Variants in KDM2B observed in about 807,000 individuals in gnomAD.
The protein encoded by KDM2B is lysine demethylase 2B, also known as lysine-specific demethylase 2B.
KDM2B carries 26 observed loss-of-function variants against 150.0 expected under a neutral mutation model. The ratio of observed to expected loss-of-function variants is 0.17; its 90% CI spans 0.13 to 0.24. KDM2B has a LOEUF of 0.24. KDM2B is among the 10% of genes least tolerant of loss of function. The probability of loss-of-function intolerance (pLI) is 1.00; values close to 1 mark genes in which losing one functional copy is unlikely to be tolerated. For missense variants in KDM2B, 1,265 were observed against 1,816.9 expected, an observed-to-expected ratio of 0.70 and a Z score of 5.52; for synonymous variants, 734 against 729.5, an observed-to-expected ratio of 1.01 and a Z score of -0.10.
chr12:121,436,317 C>T (rs1245797552), intron 22 of KDM2B, among the ~76,000 whole-genome samples: 1 of 152,044 alleles, frequency 6.6e-6, no homozygotes, highest in Non-Finnish European at 1.5e-5. Context: ...GTCAGGAGAT[C>T]GAAACCATCC....
rs1887227970 is a variant in KDM2B, at chr12:121,527,338, G to A, written c.931+5468C>T. On this transcript the variant is annotated intron_variant, in intron 8 of 22. Coordinates refer to ENST00000377071, the MANE Select transcript of KDM2B (RefSeq NM_032590.5). Reference sequence around the variant, plus strand: ...GCTGGGATTACAGGCGTGAGCCACTGTGCCCAGCCTAAAAAAAAATTGTTT... The same window carrying A: ...GCTGGGATTACAGGCGTGAGCCACTATGCCCAGCCTAAAAAAAAATTGTTT... Among the ~76,000 whole-genome samples the A allele has an allele frequency of 2.2e-4, 22 of 100,674 alleles. No individual in the cohort carries two copies. In the South Asian group the frequency reaches 8.7e-3, roughly 40 times the overall value. The allele number at this position is 100,674 out of a possible 152,430, so 66.0% of individuals were successfully genotyped here. A position where few individuals can be genotyped will look rare whatever the true frequency, so the allele number is the denominator to read the frequency against.
intron 6 of KDM2B, 143 bp from the exon 7 acceptor site, chr12:121,534,733 CA>C: frequency 1.6e-6 from 1 of 625,710 alleles, no homozygotes; most frequent in Non-Finnish European, 2.8e-6. Flanking sequence ...TTTAAAAATC[CA>C]AATGTAATCG....
chr12:121,547,577 GC>G (rs1889156970), intron 6 of KDM2B, among the ~76,000 whole-genome samples: 1 of 151,942 alleles, frequency 6.6e-6, no homozygotes, highest in Admixed American at 6.6e-5. Context: ...CAGGCCGCCA[GC>G]GCCAACTCTT....
At chr12:121,456,909 T>C (rs1878323735) in intron 12 of KDM2B, among the ~76,000 whole-genome samples, 1 of 152,190 alleles carries the variant, frequency 6.6e-6, no homozygotes, top group African/African-American at 2.4e-5. Flanking sequence ...AGGCCCTGTC[T>C]AGCCGCTGCC....
At chr12:121,558,068 GTTAC>G (rs1315391699) in intron 4 of KDM2B, among the ~76,000 whole-genome samples, 1 of 152,144 alleles carries the variant, frequency 6.6e-6, no homozygotes, top group Non-Finnish European at 1.5e-5. Flanking sequence ...GTATTTCTTG[GTTAC>G]TTGTTTCTTG....
chr12:121,512,150 T>C (rs985061720), intron 10 of KDM2B, among the ~76,000 whole-genome samples: 3 of 152,176 alleles, frequency 2.0e-5, no homozygotes, highest in Non-Finnish European at 4.4e-5. Flanking sequence ...ACTGTGATCA[T>C]AGCGGCTCTC....
At chr12:121,423,463 G>C in the KDM2B span, 1 of 1,613,914 alleles carries the variant, frequency 6.2e-7, no homozygotes, top group South Asian at 1.1e-5. This position sits in a 1 kb window ranked among gnomAD's most constrained non-coding sequence, Gnocchi z 4.3. Flanking sequence ...CATCGACTGT[G>C]TCCTACTGGA....
At chr12:121,580,641 G>T in intron 1 of KDM2B, 145 bp downstream of exon 1, 1 of 1,296,738 alleles carries the variant, frequency 7.7e-7, no homozygotes, top group Non-Finnish European at 1.0e-6. Context: ...TCAGCGGGAG[G>T]CGCGGAAATG....
chr12:121,492,002 C>T (rs1319511669), intron 12 of KDM2B, among the ~76,000 whole-genome samples: 2 of 151,892 alleles, frequency 1.3e-5, no homozygotes, highest in African/African-American at 2.4e-5. Context: ...ACCAAAACTA[C>T]AAAAAACTAG....
intron 12 of KDM2B, among the ~76,000 whole-genome samples, chr12:121,480,048 A>G (rs142147461): frequency 1.6e-4 from 24 of 152,242 alleles, no homozygotes; most frequent in Admixed American, 5.9e-4. Context: ...CCTCCCAAGT[A>G]GCTAGCACTT....
At chr12:121,449,988 T>C (rs1407588792) in intron 13 of KDM2B, among the ~76,000 whole-genome samples, 2 of 151,984 alleles carry the variant, frequency 1.3e-5, no homozygotes, top group South Asian at 2.1e-4. Flanking sequence ...CCAAAACATA[T>C]CTAGAACTCC....
chr12:121,428,005 T>C (rs1168126602), downstream of KDM2B, among the ~76,000 whole-genome samples: 2 of 152,174 alleles, frequency 1.3e-5, no homozygotes, highest in African/African-American at 2.4e-5. Flanking sequence ...AAAACAAATA[T>C]TACCATTCAT....
chr12:121,564,487 A>G (rs1890560565), intron 4 of KDM2B, among the ~76,000 whole-genome samples: 1 of 152,118 alleles, frequency 6.6e-6, no homozygotes, highest in Non-Finnish European at 1.5e-5. Context: ...AATAAAATAA[A>G]TAAAAGGCAT....
At chr12:121,449,175 G>T (rs1876797432) in intron 13 of KDM2B, among the ~76,000 whole-genome samples, 1 of 151,738 alleles carries the variant, frequency 6.6e-6, no homozygotes, top group Non-Finnish European at 1.5e-5. Context: ...CTCCTGCAGG[G>T]GCTGGCAGGG....
At chr12:121,481,030 C>T (rs111441233) in intron 12 of KDM2B, among the ~76,000 whole-genome samples, 2 of 151,084 alleles carry the variant, frequency 1.3e-5, no homozygotes, top group African/African-American at 4.9e-5. Context: ...CGAGTTCAAG[C>T]GATTCTCCTG....
At position 121,520,007 on chromosome 12, in the gene KDM2B, C is replaced by T. The variant is rs186018763; in HGVS notation, c.1047+978G>A. Among the ~76,000 whole-genome samples, 64 of 152,258 alleles carry T rather than the reference C, an allele frequency of 4.2e-4. No individual in the cohort carries two copies. Among genetic ancestry groups the T allele is most frequent in the African/African-American group, 1.4e-3 (58 of 41,548 alleles). On this transcript the variant is annotated intron_variant, in intron 9 of 22. Transcript: ENST00000377071. This position sits in a 1 kb window ranked among gnomAD's most constrained non-coding sequence, Gnocchi z 4.5. ...TCCCGGGCTCAAACGACCCTCCCACCACAGCCTCTCAAGTAGCTGGGACTA... is the reference window on the plus strand; with the variant it reads ...TCCCGGGCTCAAACGACCCTCCCACTACAGCCTCTCAAGTAGCTGGGACTA...
intron 4 of KDM2B, among the ~76,000 whole-genome samples, chr12:121,561,369 T>A (rs1454096959): frequency 6.6e-6 from 1 of 152,142 alleles, no homozygotes; most frequent in Non-Finnish European, 1.5e-5. Flanking sequence ...TTGTTCCTCA[T>A]CCGTGTCACA....
At chr12:121,414,813 G>C in the KDM2B span, among the ~76,000 whole-genome samples, 1 of 152,254 alleles carries the variant, frequency 6.6e-6, no homozygotes, top group Non-Finnish European at 1.5e-5. Flanking sequence ...AAGCTGGGAG[G>C]CTGGGCACGG....
intron 11 of KDM2B, among the ~76,000 whole-genome samples, chr12:121,502,322 T>C (rs1884642819): frequency 6.6e-6 from 1 of 152,146 alleles, no homozygotes; most frequent in Admixed American, 6.6e-5. Context: ...TGCAGAACTT[T>C]TGGTCTTCAA....
Sources: gnomAD v4.1 joint callset for allele counts (sites outside exome capture counted in the v4.1 genomes callset) on GRCh38, gnomAD v4.1.1 for gene constraint, Gnocchi (gnomAD v3.1) non-coding constraint, MANE v1.5 for transcripts, NCBI Gene and HGNC (gene_info 2026-07-23, HGNC 2026-07-21) for gene names.